Variants in ADAMTS3 observed in about 807,000 individuals in gnomAD.
ADAMTS3 encodes A disintegrin and metalloproteinase with thrombospondin motifs 3.
A neutral mutation model predicts 129.0 loss-of-function variants in ADAMTS3; 73 were observed. The ratio of observed to expected loss-of-function variants is 0.57; its 90% CI spans 0.47 to 0.69. The LOEUF is 0.69. ADAMTS3 is among the 30% of genes least tolerant of loss of function. The pLI, the probability that ADAMTS3 is intolerant of heterozygous loss-of-function variation, is 0.00. For synonymous variants in ADAMTS3, 477 were observed against 510.8 expected, an observed-to-expected ratio of 0.93 and a Z score of 0.89; for missense variants, 1,457 against 1,514.5, an observed-to-expected ratio of 0.96 and a Z score of 0.63.
At chr4:72,365,579 G>A (rs1052214222) in intron 4 of ADAMTS3, among the ~76,000 whole-genome samples, 1 of 152,150 alleles carries the variant, frequency 6.6e-6, no homozygotes, top group African/African-American at 2.4e-5. Flanking sequence ...TCTAAGAGAT[G>A]CTGTACACAT....
chr4:72,358,345 A>G (rs1720634866), intron 4 of ADAMTS3, among the ~76,000 whole-genome samples: 1 of 152,038 alleles, frequency 6.6e-6, no homozygotes, highest in Non-Finnish European at 1.5e-5. Flanking sequence ...TGTGCATATA[A>G]GAACCACCTA....
chr4:72,502,960 G>C (rs1200555423), intron 3 of ADAMTS3, among the ~76,000 whole-genome samples: 1 of 151,830 alleles, frequency 6.6e-6, no homozygotes, highest in Non-Finnish European at 1.5e-5. Context: ...TACTTATGCT[G>C]TATCCTAGAT....
At chr4:72,401,135 C>T (rs988330835) in intron 4 of ADAMTS3, among the ~76,000 whole-genome samples, 2 of 151,788 alleles carry the variant, frequency 1.3e-5, no homozygotes, top group African/African-American at 2.4e-5. Context: ...GGCTACCATA[C>T]CGGACAGCAC....
intron 2 of ADAMTS3, among the ~76,000 whole-genome samples, chr4:72,550,244 C>T (rs1347110457): frequency 2.6e-5 from 4 of 151,846 alleles, no homozygotes; most frequent in Admixed American, 1.3e-4. Flanking sequence ...AACTGCTCAC[C>T]TATGGAGATC....
intron 3 of ADAMTS3, among the ~76,000 whole-genome samples, chr4:72,441,214 T>C (rs1191573274): frequency 1.3e-5 from 2 of 151,902 alleles, no homozygotes; most frequent in East Asian, 2.0e-4. Context: ...GCTTTTGAGA[T>C]TCACCCATAT....
intron 3 of ADAMTS3, among the ~76,000 whole-genome samples, chr4:72,429,997 T>C (rs1722658339): frequency 6.6e-6 from 1 of 152,062 alleles, no homozygotes; most frequent in African/African-American, 2.4e-5. Flanking sequence ...CTGATGCTTC[T>C]GCTCCCTGAA....
intron 4 of ADAMTS3, among the ~76,000 whole-genome samples, chr4:72,367,072 G>C (rs2109862038): frequency 6.6e-6 from 1 of 152,132 alleles, no homozygotes; most frequent in East Asian, 1.9e-4. Flanking sequence ...CTGGTAGTTT[G>C]ATTTTAAAGA....
At chr4:72,449,069 T>C (rs571555369) in intron 3 of ADAMTS3, among the ~76,000 whole-genome samples, 1 of 151,784 alleles carries the variant, frequency 6.6e-6, no homozygotes, top group South Asian at 2.1e-4. Flanking sequence ...ATACTCTCCT[T>C]ATTTTCCCCC....
intron 3 of ADAMTS3, among the ~76,000 whole-genome samples, chr4:72,430,706 T>C (rs1435253896): frequency 6.6e-6 from 1 of 151,924 alleles, no homozygotes; most frequent in East Asian, 1.9e-4. Flanking sequence ...AGAGTTAATG[T>C]AGAGAAAGGA....
chr4:72,529,808 T>A (rs1720921561), intron 3 of ADAMTS3, among the ~76,000 whole-genome samples: 1 of 93,960 alleles, frequency 1.1e-5, no homozygotes, highest in Non-Finnish European at 1.9e-5. Context: ...TAATATATAT[T>A]ATATATAATA....
intron 19 of ADAMTS3, among the ~76,000 whole-genome samples, chr4:72,291,636 A>C (rs1345087362): frequency 4.0e-5 from 6 of 151,450 alleles, no homozygotes; most frequent in Non-Finnish European, 7.4e-5. Flanking sequence ...ACATTTTCTT[A>C]ATCCAGTCTA....
intron 4 of ADAMTS3, among the ~76,000 whole-genome samples, chr4:72,397,038 C>A (rs1375568878): frequency 6.6e-6 from 1 of 152,114 alleles, no homozygotes; most frequent in Non-Finnish European, 1.5e-5. Flanking sequence ...GCCCTCATCA[C>A]CTCTCACCTG....
intron 3 of ADAMTS3, among the ~76,000 whole-genome samples, chr4:72,530,009 TAA>T (rs1720943504): frequency 5.2e-5 from 1 of 19,236 alleles, no homozygotes; most frequent in Non-Finnish European, 9.1e-5. Context: ...ATATAATATA[TAA>T]TATATTATAT....
intron 4 of ADAMTS3, among the ~76,000 whole-genome samples, chr4:72,355,230 A>G (rs956715897): frequency 6.6e-6 from 1 of 151,772 alleles, no homozygotes; most frequent in African/African-American, 2.4e-5. Context: ...TCTTTTAAGG[A>G]ACTGTTCAGA....
At chr4:72,302,809 T>A (rs1718984642) in intron 17 of ADAMTS3, among the ~76,000 whole-genome samples, 1 of 152,082 alleles carries the variant, frequency 6.6e-6, no homozygotes, top group African/African-American at 2.4e-5. Flanking sequence ...TGCAGCAATA[T>A]AAATGAGGCT....
At chr4:72,518,440 TA>T (rs1720558812) in intron 3 of ADAMTS3, among the ~76,000 whole-genome samples, 1 of 152,226 alleles carries the variant, frequency 6.6e-6, no homozygotes, top group African/African-American at 2.4e-5. Context: ...AGCGGGGTGT[TA>T]AAGTCTCCCA....
At chr4:72,390,506 C>T (rs1245903241) in intron 4 of ADAMTS3, among the ~76,000 whole-genome samples, 2 of 152,124 alleles carry the variant, frequency 1.3e-5, no homozygotes, top group African/African-American at 4.8e-5. Context: ...ACATCCAAAG[C>T]TTTTATTTTT....
intron 3 of ADAMTS3, among the ~76,000 whole-genome samples, chr4:72,513,195 T>C (rs1206278548): frequency 6.6e-6 from 1 of 152,210 alleles, no homozygotes. Flanking sequence ...GTGTCTTAGA[T>C]AAAATTTATG....
At chr4:72,375,995 C>A (rs1363268082) in intron 4 of ADAMTS3, among the ~76,000 whole-genome samples, 2 of 152,076 alleles carry the variant, frequency 1.3e-5, no homozygotes, top group African/African-American at 4.8e-5. Flanking sequence ...AAGAAAAGGG[C>A]AAAATGCCAT....
Sources: gnomAD v4.1 joint callset for allele counts (sites outside exome capture counted in the v4.1 genomes callset) on GRCh38, gnomAD v4.1.1 for gene constraint, MANE v1.5 for transcripts, NCBI Gene and HGNC (gene_info 2026-07-23, HGNC 2026-07-21) for gene names.